The following GRM7 variants were observed in gnomAD, a reference collection of about 807,000 sequenced individuals.
GRM7 encodes the protein metabotropic glutamate receptor 7.
GRM7 carries 35 observed loss-of-function variants against 84.5 expected under a neutral mutation model. The ratio of observed to expected loss-of-function variants is 0.41; its 90% CI spans 0.32 to 0.55. The LOEUF (loss-of-function observed/expected upper bound fraction) is 0.55. Among genes scored for constraint, GRM7 ranks in the 20% least tolerant of loss-of-function variants. The pLI, the probability that GRM7 is intolerant of heterozygous loss-of-function variation, is 0.19. For synonymous variants in GRM7, 487 were observed against 455.1 expected (o/e 1.07, Z -0.89); for missense variants, 1,003 against 1,194.6 (o/e 0.84, Z 2.36).
intron 4 of GRM7, among the ~76,000 whole-genome samples, chr3:7,315,628 C>T (rs1700555970): frequency 6.6e-6 from 1 of 152,136 alleles, no homozygotes; most frequent in African/African-American, 2.4e-5. Context: ...TCTTTATTCC[C>T]TCTGGAACCC....
chr3:6,890,241 C>T (rs1427674066), intron 1 of GRM7, among the ~76,000 whole-genome samples: 2 of 152,230 alleles, frequency 1.3e-5, no homozygotes, highest in South Asian at 2.1e-4. Flanking sequence ...TTCAGTTCTG[C>T]TCTGATTTTA....
At chr3:7,393,419 C>T (rs965246182) in intron 4 of GRM7, among the ~76,000 whole-genome samples, 1 of 152,154 alleles carries the variant, frequency 6.6e-6, no homozygotes, top group Admixed American at 6.5e-5. Flanking sequence ...AAGCCCATGT[C>T]AGAGCTCTGG....
At chr3:7,369,041 A>T (rs929677023) in intron 4 of GRM7, among the ~76,000 whole-genome samples, 1 of 151,936 alleles carries the variant, frequency 6.6e-6, no homozygotes, top group African/African-American at 2.4e-5. Flanking sequence ...TCTATGGCAC[A>T]TCACAACCTG....
At chr3:6,989,603 A>T (rs550103916) in intron 1 of GRM7, among the ~76,000 whole-genome samples, 1 of 152,368 alleles carries the variant, frequency 6.6e-6, no homozygotes, top group South Asian at 2.1e-4. Context: ...AATATATAAG[A>T]CATCTGAATC....
chr3:7,728,506 T>A (rs1702207773), intron 9 of GRM7, among the ~76,000 whole-genome samples: 1 of 152,196 alleles, frequency 6.6e-6, no homozygotes, highest in Admixed American at 6.5e-5. Context: ...GAGTGATTAC[T>A]TCTATCTTAT....
In GRM7 at chr3:7,188,757, T is replaced by G. The variant is rs1695607978; in HGVS notation, c.736+42089T>G. On this transcript the variant is annotated intron_variant, in intron 2 of 9. Coordinates refer to ENST00000357716, the MANE Select transcript of GRM7 (RefSeq NM_000844.4). This position sits in a 1 kb window ranked among gnomAD's most constrained non-coding sequence, Gnocchi z 4.2. Reference sequence around the variant, plus strand: ...TATTGGTGGACAGCTTTCTCCCATGTGGCAATTTTGAGATTCAGCCTCCTT... The same window carrying G: ...TATTGGTGGACAGCTTTCTCCCATGGGGCAATTTTGAGATTCAGCCTCCTT... Among the ~76,000 whole-genome samples the G allele has an allele frequency of 6.6e-6, 1 of 152,198 alleles. No homozygotes were observed. The highest frequency in any genetic ancestry group is 2.1e-4 in the South Asian group (1 of 4,830).
At chr3:7,449,230 C>CACCATAT (rs1697660680) in intron 5 of GRM7, among the ~76,000 whole-genome samples, 1 of 151,858 alleles carries the variant, frequency 6.6e-6, no homozygotes, top group Non-Finnish European at 1.5e-5. Flanking sequence ...TAACACCATA[C>CACCATAT]TTATAATAGC....
intron 1 of GRM7, among the ~76,000 whole-genome samples, chr3:6,888,454 G>A (rs1437006590): frequency 9.9e-5 from 15 of 151,908 alleles, no homozygotes; most frequent in South Asian, 2.1e-4. Context: ...ACATATGGCT[G>A]GCCAGTTTTC....
chr3:7,668,820 C>T (rs1004393664), intron 8 of GRM7, among the ~76,000 whole-genome samples: 3 of 152,378 alleles, frequency 2.0e-5, no homozygotes, highest in Admixed American at 6.5e-5. Context: ...CCACTTCATT[C>T]ATCAAACATA....
chr3:7,639,674 G>A (rs1330782460), intron 8 of GRM7, among the ~76,000 whole-genome samples: 1 of 151,990 alleles, frequency 6.6e-6, no homozygotes, highest in East Asian at 1.9e-4. Context: ...CATCACTAAT[G>A]AAAAATACAT....
intron 8 of GRM7, among the ~76,000 whole-genome samples, chr3:7,599,828 C>T (rs3804880): frequency 0.12 from 17,532 of 151,896 alleles, 1,319 homozygotes; most frequent in African/African-American, 0.21. Flanking sequence ...CAAAATGGAA[C>T]GCTTGGTTTT....
intron 1 of GRM7, among the ~76,000 whole-genome samples, chr3:7,014,304 A>C (rs963813414): frequency 2.0e-5 from 3 of 152,156 alleles, no homozygotes; most frequent in African/African-American, 7.2e-5. Context: ...TAAATCAGCA[A>C]AATTAGTAAT....
chr3:7,026,551 A>G (rs1461615357), intron 1 of GRM7, among the ~76,000 whole-genome samples: 2 of 152,208 alleles, frequency 1.3e-5, no homozygotes, highest in Non-Finnish European at 2.9e-5. Flanking sequence ...ATAAAGCACT[A>G]TGGAATACTT....
intron 8 of GRM7, among the ~76,000 whole-genome samples, chr3:7,604,609 T>G (rs185787657): frequency 2.6e-5 from 4 of 152,298 alleles, no homozygotes; most frequent in Admixed American, 6.5e-5. Flanking sequence ...AAAGGCCATC[T>G]TACTTTCTTA....
chr3:7,439,194 A>T (rs1201200278), intron 5 of GRM7, among the ~76,000 whole-genome samples: 1 of 152,184 alleles, frequency 6.6e-6, no homozygotes, highest in African/African-American at 2.4e-5. Context: ...TCTTGTGAGC[A>T]GAGACAATGA....
intron 1 of GRM7, among the ~76,000 whole-genome samples, chr3:6,880,681 A>T (rs865787317): frequency 7.2e-5 from 11 of 152,080 alleles, no homozygotes; most frequent in African/African-American, 2.2e-4. Context: ...ATTCTTTATT[A>T]CTAAGAATCC....
intron 7 of GRM7, among the ~76,000 whole-genome samples, chr3:7,549,778 G>A (rs1030019165): frequency 1.3e-5 from 2 of 152,192 alleles, no homozygotes; most frequent in African/African-American, 4.8e-5. Flanking sequence ...GTGAAAATAC[G>A]AGAAGACAAA....
chr3:7,687,047 G>T (rs1700614609), intron 9 of GRM7, among the ~76,000 whole-genome samples: 1 of 151,844 alleles, frequency 6.6e-6, no homozygotes, highest in Non-Finnish European at 1.5e-5. Context: ...TGTTGATGAT[G>T]ATTTGTGGCT....
At chr3:7,713,114 ATTTTGTTTTGTTTT>A (rs1701639401) in intron 9 of GRM7, among the ~76,000 whole-genome samples, 2 of 129,854 alleles carry the variant, frequency 1.5e-5, no homozygotes, top group Non-Finnish European at 3.2e-5. Context: ...GAGGATTCGA[ATTTTGTTTTGTTTT>A]TTTTTTTTTT....
Sources: allele counts gnomAD v4.1 joint callset (sites outside exome capture counted in the v4.1 genomes callset), GRCh38; gene constraint gnomAD v4.1.1; non-coding constraint Gnocchi (gnomAD v3.1); transcripts MANE v1.5; gene names NCBI Gene and HGNC (gene_info 2026-07-23, HGNC 2026-07-21).